OR1I1: variants seen among roughly 807,000 people sequenced by gnomAD.
OR1I1 encodes the protein olfactory receptor family 1 subfamily I member 1, also known as olfactory receptor 1I1.
For missense variants in OR1I1, 451 were observed against 443.6 expected (o/e 1.02, Z -0.15); for synonymous variants, 171 against 181.4 (o/e 0.94, Z 0.46).
rs2046242667 is a variant in OR1I1 at position 15,088,742 on chromosome 19, GAT to G, written c.*611_*612del. 1 of 119,296 alleles carries G rather than the reference GAT, an allele frequency of 8.4e-6. No individual in the cohort carries two copies. Among genetic ancestry groups the G allele is most frequent in the Admixed American group, 8.9e-5 (1 of 11,224 alleles). 7.4% of individuals were successfully genotyped at this position (119,296 alleles called of 1,614,324 possible). Reference sequence around the variant, plus strand: ...CAGATAGATAGAGAGGATAAGATAAGATAGGTAGATAGGGTGGATAGATAAGA... The same window carrying G: ...CAGATAGATAGAGAGGATAAGATAAGAGGTAGATAGGGTGGATAGATAAGA... On this transcript the variant is annotated 3_prime_UTR_variant, in exon 2 of 2. Coordinates refer to ENST00000641398, the MANE Select transcript of OR1I1 (RefSeq NM_001004713.2).
rs942008956 is a variant in OR1I1 at position 15,092,569 on chromosome 19, G to A, written c.*4436G>A. 9 of 152,192 alleles carry A rather than the reference G, an allele frequency of 5.9e-5. No individual in the cohort carries two copies. Among genetic ancestry groups the A allele is most frequent in the African/African-American group, 2.2e-4 (9 of 41,440 alleles). The allele number at this position is 152,192 out of a possible 1,614,324, so 9.4% of individuals were successfully genotyped here. A position where few individuals can be genotyped will look rare whatever the true frequency, so the allele number is the denominator to read the frequency against. On this transcript the variant is annotated 3_prime_UTR_variant, in exon 2 of 2. Coordinates refer to ENST00000641398, the MANE Select transcript of OR1I1 (RefSeq NM_001004713.2). ...CTGTCTGGCGAAAGCAGCCATAGAT[G>A]AGACATCAACGAATGGGCTTGGCTG... is the stretch of plus-strand genomic sequence containing the variant.
chr19:15,085,403 C>T (rs536414054), intron 1 of OR1I1, among the ~76,000 whole-genome samples: 1 of 151,624 alleles, frequency 6.6e-6, no homozygotes, highest in Non-Finnish European at 1.5e-5. Context: ...AACTCCTGAC[C>T]TCAGGTGATC....
rs1170084367 is a variant in OR1I1, at chr19:15,091,093, C to T, written c.*2960C>T. On this transcript the variant is annotated 3_prime_UTR_variant, in exon 2 of 2. Coordinates refer to ENST00000641398, the MANE Select transcript of OR1I1 (RefSeq NM_001004713.2). ...TTGCATGGATTCACTTACTGGGTAT[C>T]AGCATGATGACAATAATGATGATGA... 1 of 152,198 alleles carries T rather than the reference C, an allele frequency of 6.6e-6. No individual in the cohort carries two copies. Among genetic ancestry groups the T allele is most frequent in the East Asian group, 1.9e-4 (1 of 5,198 alleles). The allele number at this position is 152,198 out of a possible 1,614,324, so 9.4% of individuals were successfully genotyped here. A position where few individuals can be genotyped will look rare whatever the true frequency, so the allele number is the denominator to read the frequency against.
chr19:15,085,136 A>G (rs1312694313), intron 1 of OR1I1, among the ~76,000 whole-genome samples: 1 of 6,930 alleles, frequency 1.4e-4, no homozygotes. Context: ...TGACTTATAT[A>G]TATATATATA....
At position 15,088,032 on chromosome 19, in the gene OR1I1, C is replaced by A. The variant is rs1348836411; in HGVS notation, c.967C>A (p.His323Asn). 1 of 1,612,486 alleles carries A rather than the reference C, an allele frequency of 6.2e-7. No homozygotes were observed. The highest frequency in any genetic ancestry group is 2.2e-5 in the East Asian group (1 of 44,866). The change falls in exon 2 of 2, where the codon CAT becomes AAT. Residue 323 changes from histidine to asparagine, a missense_variant. Coordinates refer to ENST00000641398, the MANE Select transcript of OR1I1 (RefSeq NM_001004713.2). ...GCCAGAACAGTTATTGGATGTTTATCATGTTCCAGGATCACTGTTGGCTGC... is the reference window on the plus strand; with the variant it reads ...GCCAGAACAGTTATTGGATGTTTATAATGTTCCAGGATCACTGTTGGCTGC... Reference protein sequence around the residue: ...PRPEQLLDVYHVPGSLLAARD... With the variant: ...PRPEQLLDVYNVPGSLLAARD...
rs2046212310 is a variant in OR1I1, at chr19:15,082,261, AC to A, written c.-25del. On this transcript the variant is annotated 5_prime_UTR_variant, in exon 1 of 2. Transcript: ENST00000641398. ...AATCCTTCCCATAGACATCAGGCTA[AC>A]CCCAGCGATCACAGGTGAGTAGCCC... 6.6e-6 allele frequency: 1 copy of A among 152,206 alleles called. No homozygotes were observed. Among genetic ancestry groups the A allele is most frequent in the Non-Finnish European group, 1.5e-5 (1 of 68,124 alleles). The allele number at this position is 152,206 out of a possible 1,614,324, so 9.4% of individuals were successfully genotyped here.
At position 15,085,172 on chromosome 19, in the gene OR1I1, A is replaced by ATTT. The variant is rs1445498185; in HGVS notation, c.-13-1880_-13-1879insTTT. Among the ~76,000 whole-genome samples, 27 of 30,214 alleles carry ATTT rather than the reference A, an allele frequency of 8.9e-4. 1 individual carries two copies. Among genetic ancestry groups the ATTT allele is most frequent in the South Asian group, 6.4e-3 (5 of 780 alleles). 19.8% of individuals were successfully genotyped at this position (30,214 alleles called of 152,430 possible). A position where few individuals can be genotyped will look rare whatever the true frequency, so the allele number is the denominator to read the frequency against. ...TATATATATATATATATATATATAT[A>ATTT]TATATTTTTTTTTTTGAGACAGAGT... is the stretch of plus-strand genomic sequence containing the variant. On this transcript the variant is annotated intron_variant, in intron 1 of 1. Transcript: ENST00000641398.
intron 1 of OR1I1, 169 bp from the exon 2 acceptor site, chr19:15,086,884 G>A: frequency 2.8e-6 from 3 of 1,060,360 alleles, no homozygotes; most frequent in Non-Finnish European, 3.9e-6. Flanking sequence ...GGCTTGAGGA[G>A]CAACAGAAGC....
rs1203779863 is a variant in OR1I1, at chr19:15,085,174, ATAT to A, written c.-13-1877_-13-1875del. Reference sequence around the variant, plus strand: ...TATATATATATATATATATATATATATATTTTTTTTTTTGAGACAGAGTTTCGC... The same window carrying A: ...TATATATATATATATATATATATATATTTTTTTTTTGAGACAGAGTTTCGC... On this transcript the variant is annotated intron_variant, in intron 1 of 1. Transcript: ENST00000641398. Among the ~76,000 whole-genome samples the A allele has an allele frequency of 3.5e-4, 20 of 56,880 alleles. 1 individual carries two copies. Among genetic ancestry groups the A allele is most frequent in the Admixed American group, 1.0e-3 (4 of 3,964 alleles). 37.3% of individuals were successfully genotyped at this position (56,880 alleles called of 152,430 possible).
intron 1 of OR1I1, 35 bp from the exon 2 acceptor site, chr19:15,087,016 GCT>G: frequency 6.4e-7 from 1 of 1,556,766 alleles, no homozygotes; most frequent in Non-Finnish European, 8.7e-7. Context: ...CTGACACCTG[GCT>G]CTGTGTGGTT....
Position 15,087,707 on chromosome 19 carries a change from C to T in OR1I1, c.642C>T (p.Ile214=). 1 of 1,614,240 alleles carries T rather than the reference C, an allele frequency of 6.2e-7. No homozygotes were observed. The highest frequency in any genetic ancestry group is 1.1e-5 in the South Asian group (1 of 91,090). The stretch of plus-strand genomic sequence containing the variant: ...TGGGCACCAGCCCATTCTCCTGCAT[C>T]CTTCTCTCGTACATCCGCATTTTCT... ...IVVGTSPFSC[I]LLSYIRIFWT... Residue 214 remains isoleucine (I), a synonymous_variant, in exon 2 of 2, where the codon ATC becomes ATT. Coordinates refer to ENST00000641398, the MANE Select transcript of OR1I1 (RefSeq NM_001004713.2).
intron 1 of OR1I1, among the ~76,000 whole-genome samples, chr19:15,085,634 T>C (rs1469716100): frequency 1.3e-5 from 2 of 152,134 alleles, no homozygotes; most frequent in Non-Finnish European, 2.9e-5. Context: ...TCTCTTGAAT[T>C]ATGCCTCCCA....
chr19:15,082,780 A>C (rs1221443979), intron 1 of OR1I1, among the ~76,000 whole-genome samples: 1 of 25,284 alleles, frequency 4.0e-5, no homozygotes, highest in African/African-American at 1.6e-4. Flanking sequence ...AGCGGGGGGG[A>C]GGGGGCGGGG....
At position 15,087,839 on chromosome 19, in the gene OR1I1, G is replaced by T. The variant is rs749403697; in HGVS notation, c.774G>T (p.Val258=). ...VSLSYGTIFA[V]YLQPTSPSSS... The stretch of plus-strand genomic sequence containing the variant: ...TGTCCTATGGGACCATCTTTGCTGT[G>T]TACTTACAGCCCACATCCCCCAGCT... Residue 258 remains valine (V), a synonymous_variant, in exon 2 of 2, where the codon GTG becomes GTT. Coordinates refer to ENST00000641398, the MANE Select transcript of OR1I1 (RefSeq NM_001004713.2). The T allele has an allele frequency of 6.2e-7, 1 of 1,614,200 alleles. No individual in the cohort carries two copies. Among genetic ancestry groups the T allele is most frequent in the South Asian group, 1.1e-5 (1 of 91,088 alleles).
At position 15,087,074 on chromosome 19, in the gene OR1I1, A is replaced by G. The variant is rs1423327311; in HGVS notation, c.9A>G (p.Pro3=). 1 of 1,610,724 alleles carries G rather than the reference A, an allele frequency of 6.2e-7. No homozygotes were observed. The highest frequency in any genetic ancestry group is 1.3e-5 in the African/African-American group (1 of 74,868). Residue 3 remains proline, a synonymous_variant, in exon 2 of 2, where the codon CCA becomes CCG. Transcript: ENST00000641398. ME[P]EKQTEISEFF... ...CTAGTCACAGACCATACATGGAACC[A>G]GAAAAGCAAACCGAAATCTCAGAAT... is the stretch of plus-strand genomic sequence containing the variant.
At position 15,089,626 on chromosome 19, in the gene OR1I1, C is replaced by A. The variant is rs1369558221; in HGVS notation, c.*1493C>A. 6.6e-6 allele frequency: 1 copy of A among 151,956 alleles called. No homozygotes were observed. Among genetic ancestry groups the A allele is most frequent in the Non-Finnish European group, 1.5e-5 (1 of 68,022 alleles). The allele number at this position is 151,956 out of a possible 1,614,324, so 9.4% of individuals were successfully genotyped here. ...ATCATTTGAAGCTAGGAGTTCAGGA[C>A]CAGCCTGAACAACATAGTGAGATCT... On this transcript the variant is annotated 3_prime_UTR_variant, in exon 2 of 2. Transcript: ENST00000641398.
Position 15,087,193 on chromosome 19 carries a change from C to A in OR1I1, c.128C>A (p.Ala43Asp), listed in dbSNP as rs139238368. ...TACCTGGTCACCATCATTGGAAATG[C>A]CCTCATTATCCTGGCCATCATCACG... ...STYLVTIIGNALIILAIITDS... is the reference protein window; with the variant it reads ...STYLVTIIGNDLIILAIITDS... Residue 43 changes from alanine (A) to aspartate (D), a missense_variant, in exon 2 of 2, where the codon GCC (alanine) becomes GAC (aspartate). Coordinates refer to ENST00000641398, the MANE Select transcript of OR1I1 (RefSeq NM_001004713.2). 1.2e-4 allele frequency: 188 copies of A among 1,604,406 alleles called. No individual in the cohort carries two copies. The highest frequency in any genetic ancestry group is 1.7e-4 in the Middle Eastern group (1 of 6,046).
chr19:15,085,160 A>ATTT (rs1568321865), intron 1 of OR1I1, among the ~76,000 whole-genome samples: 3 of 35,840 alleles, frequency 8.4e-5, no homozygotes, highest in African/African-American at 6.2e-4. Flanking sequence ...ATATATATAT[A>ATTT]TATATATATA....
At chr19:15,082,811 T>C (rs1419121431) in intron 1 of OR1I1, among the ~76,000 whole-genome samples, 7 of 151,856 alleles carry the variant, frequency 4.6e-5, no homozygotes, top group Admixed American at 1.3e-4. Context: ...GTTTGTTTGT[T>C]TGTTCTTTCT....
Sources: allele counts gnomAD v4.1 joint callset (sites outside exome capture counted in the v4.1 genomes callset), GRCh38; gene constraint gnomAD v4.1.1; transcripts MANE v1.5; gene names NCBI Gene and HGNC (gene_info 2026-07-23, HGNC 2026-07-21).